Variants in CD96 observed in about 807,000 individuals in gnomAD.
The protein encoded by CD96 is CD96 molecule.
A neutral mutation model predicts 71.3 loss-of-function variants in CD96; 70 were observed. The observed-to-expected ratio is 0.98, with a 90% confidence interval of 0.81 to 1.20. The LOEUF (loss-of-function observed/expected upper bound fraction) is 1.20, where lower values mean the gene tolerates loss of function less well. Among genes scored for constraint, CD96 ranks in the 50% most tolerant of loss-of-function variants. CD96 has a pLI of 0.00. For missense variants in CD96, 742 were observed against 677.5 expected (o/e 1.10, Z -1.06); for synonymous variants, 248 against 233.0 (o/e 1.06, Z -0.59).
chr3:111,610,126 T>C (rs1159535668), intron 8 of CD96, among the ~76,000 whole-genome samples: 1 of 152,250 alleles, frequency 6.6e-6, no homozygotes, highest in African/African-American at 2.4e-5. Flanking sequence ...TCTGTCAAGA[T>C]GGCAACAATA....
intron 3 of CD96, among the ~76,000 whole-genome samples, chr3:111,569,321 A>G (rs1321853282): frequency 1.3e-5 from 2 of 152,228 alleles, no homozygotes; most frequent in African/African-American, 2.4e-5. Context: ...TGTAAAACCT[A>G]CAGTATCTCT....
chr3:111,652,763 G>T (rs1387448111), downstream of CD96, among the ~76,000 whole-genome samples: 1 of 152,054 alleles, frequency 6.6e-6, no homozygotes, highest in Non-Finnish European at 1.5e-5. Flanking sequence ...CTTTTAGTTA[G>T]TACTGTGAGC....
At chr3:111,599,018 G>C (rs1379915431) in intron 6 of CD96, among the ~76,000 whole-genome samples, 1 of 151,996 alleles carries the variant, frequency 6.6e-6, no homozygotes, top group Non-Finnish European at 1.5e-5. Context: ...GCCCAAGCTG[G>C]AGTGCAGTGG....
chr3:111,560,309 G>T (rs1319508771), intron 2 of CD96, among the ~76,000 whole-genome samples: 1 of 151,902 alleles, frequency 6.6e-6, no homozygotes, highest in Non-Finnish European at 1.5e-5. Context: ...AGTCTCGATG[G>T]TCTTTACATT....
At chr3:111,646,672 T>C (rs1553713105) in intron 12 of CD96, among the ~76,000 whole-genome samples, 1 of 149,812 alleles carries the variant, frequency 6.7e-6, no homozygotes, top group Non-Finnish European at 1.5e-5. Flanking sequence ...TCAAAGAACT[T>C]AAAAAAAAAA....
intron 3 of CD96, among the ~76,000 whole-genome samples, chr3:111,576,947 C>T (rs1426787408): frequency 6.6e-6 from 1 of 152,220 alleles, no homozygotes; most frequent in African/African-American, 2.4e-5. Flanking sequence ...TCTAGAATGT[C>T]TTAGGATCTC....
intron 3 of CD96, chr3:111,577,467 T>C (rs978811850): frequency 2.7e-6 from 4 of 1,498,808 alleles, no homozygotes; most frequent in Non-Finnish European, 2.8e-6. Flanking sequence ...TGTAATACAG[T>C]CTTTCTCCCT....
Position 111,546,233 on chromosome 3 carries a change from G to T in CD96, c.418+831G>T, listed in dbSNP as rs189421566. 1.4e-4 allele frequency among the ~76,000 whole-genome samples: 21 copies of T among 152,288 alleles called. No individual in the cohort carries two copies. In the East Asian group the frequency reaches 1.9e-3, roughly 14 times the overall value. Reference sequence around the variant, plus strand: ...AAGGAAGGAGAGAAAGAAGTTAAAGGTGACATCTGGGTGTCTGGCATGCAC... The same window carrying T: ...AAGGAAGGAGAGAAAGAAGTTAAAGTTGACATCTGGGTGTCTGGCATGCAC... On this transcript the variant is annotated intron_variant, in intron 2 of 13. Coordinates refer to ENST00000352690, the MANE Select transcript of CD96 (RefSeq NM_005816.5).
At chr3:111,587,969 G>A (rs897888709) in intron 5 of CD96, among the ~76,000 whole-genome samples, 2 of 152,178 alleles carry the variant, frequency 1.3e-5, no homozygotes, top group Non-Finnish European at 2.9e-5. Flanking sequence ...TGAAGGAGGG[G>A]CTGCTGCAAA....
intron 4 of CD96, among the ~76,000 whole-genome samples, chr3:111,581,181 A>T (rs1018121573): frequency 6.6e-6 from 1 of 152,102 alleles, no homozygotes; most frequent in Non-Finnish European, 1.5e-5. Flanking sequence ...TGGATGCTTA[A>T]AAATATGAAA....
chr3:111,598,153 C>A lies in CD96; in HGVS notation c.841C>A (p.Pro281Thr). 1 of 1,504,242 alleles carries A rather than the reference C, an allele frequency of 6.6e-7. No individual in the cohort carries two copies. The highest frequency in any genetic ancestry group is 9.3e-7 in the Non-Finnish European group (1 of 1,080,672). 93.2% of individuals were successfully genotyped at this position (1,504,242 alleles called of 1,614,324 possible). A position where few individuals can be genotyped will look rare whatever the true frequency, so the allele number is the denominator to read the frequency against. ...RFTCLLKNVF[P>T]KANITWFIDG... ...TACCTGCTTACTAAAGAATGTATTT[C>A]CCAAAGCAAATATCACATGGTTTAT... The change falls in exon 6 of 14, where the codon CCC becomes ACC. Residue 281 changes from proline to threonine, a missense_variant. By Grantham distance (38) the Pro-to-Thr change is conservative (BLOSUM62 -1). Coordinates refer to ENST00000352690, the MANE Select transcript of CD96 (RefSeq NM_005816.5).
At chr3:111,594,315 C>A in intron 5 of CD96, 2 of 1,340,934 alleles carry the variant, frequency 1.5e-6, no homozygotes, top group Non-Finnish European at 2.0e-6. Flanking sequence ...CTTGGGGATT[C>A]ACAATAATGG....
chr3:111,652,428 G>A (rs1459162139), downstream of CD96: 2 of 152,022 alleles, frequency 1.3e-5, no homozygotes, highest in Non-Finnish European at 2.9e-5. Context: ...AGCAGAAAGT[G>A]GGGGTAGGGA....
intron 3 of CD96, among the ~76,000 whole-genome samples, chr3:111,573,157 A>G (rs1340736951): frequency 6.6e-6 from 1 of 152,200 alleles, no homozygotes; most frequent in Non-Finnish European, 1.5e-5. Flanking sequence ...CATCTTATGC[A>G]TTGGGACATA....
At chr3:111,573,504 CAG>C (rs2107566015) in intron 3 of CD96, among the ~76,000 whole-genome samples, 1 of 152,262 alleles carries the variant, frequency 6.6e-6, no homozygotes, top group Admixed American at 6.5e-5. Context: ...TAGCAAAAGA[CAG>C]ACATATACTA....
chr3:111,581,126 C>G (rs1936444148), intron 4 of CD96, among the ~76,000 whole-genome samples: 2 of 152,142 alleles, frequency 1.3e-5, no homozygotes, highest in Non-Finnish European at 2.9e-5. Context: ...TTCTACAGCT[C>G]TTTGTCTCTA....
At position 111,600,903 on chromosome 3, in the gene CD96, C is replaced by T; in HGVS notation, c.1076C>T (p.Thr359Ile). ...KVWNISSEKITFLLGSEISST... is the reference protein window; with the variant it reads ...KVWNISSEKIIFLLGSEISST... The stretch of plus-strand genomic sequence containing the variant: ...TGGAACATCTCATCAGAAAAGATCA[C>T]TTTTCTCTTAGGTGAGTTGTCTATT... Residue 359 changes from threonine to isoleucine, a missense_variant, in exon 7 of 14, where the codon ACT becomes ATT. Transcript: ENST00000352690. The T allele has an allele frequency of 6.2e-7, 1 of 1,607,280 alleles. No individual in the cohort carries two copies. Among genetic ancestry groups the T allele is most frequent in the Non-Finnish European group, 8.5e-7 (1 of 1,173,986 alleles).
chr3:111,594,073 G>A (rs1559743751), intron 5 of CD96: 1 of 1,614,094 alleles, frequency 6.2e-7, no homozygotes, highest in Non-Finnish European at 8.5e-7. Context: ...GCATTGGAGT[G>A]GGCATAGCAC....
intron 8 of CD96, among the ~76,000 whole-genome samples, chr3:111,620,227 T>C (rs1938453201): frequency 6.6e-6 from 1 of 152,240 alleles, no homozygotes; most frequent in Admixed American, 6.5e-5. Flanking sequence ...TTGGCTTATG[T>C]GATCGTCTGG....
Sources: allele counts gnomAD v4.1 joint callset (sites outside exome capture counted in the v4.1 genomes callset), GRCh38; gene constraint gnomAD v4.1.1; transcripts MANE v1.5; gene names NCBI Gene and HGNC (gene_info 2026-07-23, HGNC 2026-07-21).